The following NSD3 variants were observed in gnomAD, a reference collection of about 807,000 sequenced individuals.
NSD3 encodes histone-lysine N-methyltransferase NSD3.
In NSD3, 24 loss-of-function variants were observed where a neutral mutation model predicts 160.8. That is an observed-to-expected ratio of 0.15 (90% CI 0.11 to 0.21). The LOEUF is 0.21. Among genes scored for constraint, NSD3 ranks in the 10% least tolerant of loss-of-function variants. NSD3 has a pLI of 1.00. For synonymous variants in NSD3, 520 were observed against 600.0 expected (o/e 0.87, Z 1.95); for missense variants, 1,157 against 1,735.9 (o/e 0.67, Z 5.93).
chr8:38,358,088 T>C (rs1158986672), intron 1 of NSD3, among the ~76,000 whole-genome samples: 1 of 152,110 alleles, frequency 6.6e-6, no homozygotes, highest in Admixed American at 6.6e-5. Flanking sequence ...CATATGTATA[T>C]ATATATTTAA....
chr8:38,319,162 CATGCT>C lies in NSD3; in HGVS notation c.1810-227_1810-223del. 1 of 498,588 alleles carries C rather than the reference CATGCT, an allele frequency of 2.0e-6. No homozygotes were observed. Among genetic ancestry groups the C allele is most frequent in the Non-Finnish European group, 3.6e-6 (1 of 280,042 alleles). 30.9% of individuals were successfully genotyped at this position (498,588 alleles called of 1,614,324 possible). A position where few individuals can be genotyped will look rare whatever the true frequency, so the allele number is the denominator to read the frequency against. ...AATATCAAGTGACAACACACAGCCA[CATGCT>C]CTCTAGCAAAGACTTTTCCCACCAT... On this transcript the variant is annotated intron_variant, in intron 8 of 23. Transcript: ENST00000317025. The surrounding 1 kb of genome is among the most constrained non-coding windows in gnomAD (Gnocchi z 4.1).
At chr8:38,355,656 C>A (rs979706913) in intron 1 of NSD3, among the ~76,000 whole-genome samples, 2 of 152,192 alleles carry the variant, frequency 1.3e-5, no homozygotes, top group Non-Finnish European at 2.9e-5. Context: ...TCACACATTG[C>A]TTTTCAAATT....
intron 16 of NSD3, among the ~76,000 whole-genome samples, chr8:38,291,495 C>T (rs1025722828): frequency 6.6e-6 from 1 of 152,118 alleles, no homozygotes; most frequent in Non-Finnish European, 1.5e-5. Flanking sequence ...TAACACATAA[C>T]TGTATTATTG....
intron 1 of NSD3, among the ~76,000 whole-genome samples, chr8:38,381,420 C>T (rs1375456365): frequency 6.6e-6 from 1 of 151,934 alleles, no homozygotes. Context: ...TCAGTCCACC[C>T]AGGTCTGTAA....
intron 4 of NSD3, among the ~76,000 whole-genome samples, chr8:38,332,544 A>G (rs1053979517): frequency 1.1e-4 from 16 of 152,216 alleles, no homozygotes; most frequent in African/African-American, 3.9e-4. Flanking sequence ...GGACCACAAC[A>G]TCTGAGAACT....
At position 38,314,637 on chromosome 8, in the gene NSD3, G is replaced by A; in HGVS notation, c.2242+10C>T. The A allele has an allele frequency of 1.2e-6, 2 of 1,614,054 alleles. No individual in the cohort carries two copies. Among genetic ancestry groups the A allele is most frequent in the Admixed American group, 1.7e-5 (1 of 60,020 alleles). The stretch of plus-strand genomic sequence containing the variant: ...CATCTTTTCATGACTATCGAAATAA[G>A]TCATCTTACCAGTTTTACATTCCAT... On this transcript the variant is annotated intron_variant, in intron 12 of 23. Transcript: ENST00000317025.
Position 38,275,529 on chromosome 8 carries a change from A to T in NSD3, c.*112T>A. 2.8e-6 allele frequency: 3 copies of T among 1,086,158 alleles called. No individual in the cohort carries two copies. Among genetic ancestry groups the T allele is most frequent in the Admixed American group, 2.9e-5 (1 of 35,010 alleles). 67.3% of individuals were successfully genotyped at this position (1,086,158 alleles called of 1,614,324 possible). ...TGAACTGGTTTCCCATTTTTGCTTT[A>T]ATAAGGCAGTTCCGATGGCAAAGGC... is the stretch of plus-strand genomic sequence containing the variant. On this transcript the variant is annotated 3_prime_UTR_variant, in exon 24 of 24. Coordinates refer to ENST00000317025, the MANE Select transcript of NSD3 (RefSeq NM_023034.2).
chr8:38,377,723 G>A (rs767069401), intron 1 of NSD3, among the ~76,000 whole-genome samples: 1 of 151,982 alleles, frequency 6.6e-6, no homozygotes, highest in Non-Finnish European at 1.5e-5. Context: ...GGCCAGGTGC[G>A]GTGGCTCACG....
chr8:38,287,881 T>C (rs771312150), intron 19 of NSD3, among the ~76,000 whole-genome samples: 9 of 152,202 alleles, frequency 5.9e-5, no homozygotes, highest in Non-Finnish European at 1.3e-4. Flanking sequence ...CTCAATCTCC[T>C]GACCTCGGCT....
intron 6 of NSD3, among the ~76,000 whole-genome samples, chr8:38,327,324 G>A (rs550706995): frequency 3.6e-4 from 54 of 151,944 alleles, no homozygotes; most frequent in African/African-American, 1.3e-3. Flanking sequence ...CCAAAGTGCT[G>A]GGATTACAGG....
intron 20 of NSD3, 114 bp from the exon 21 acceptor site, chr8:38,279,795 C>G: frequency 8.4e-7 from 1 of 1,184,310 alleles, no homozygotes; most frequent in Middle Eastern, 2.8e-4. Flanking sequence ...TGTTTGACAA[C>G]TGACAGATCA....
Position 38,278,354 on chromosome 8 carries a change from G to A in NSD3, c.3819C>T (p.Cys1273=), listed in dbSNP as rs1263738191. The change falls in exon 22 of 24, where the codon TGC becomes TGT. Residue 1273 remains cysteine (C), a synonymous_variant. Coordinates refer to ENST00000317025, the MANE Select transcript of NSD3 (RefSeq NM_023034.2). ...CACTGCAGTTATCTGCTCCACAGTG[G>A]CACTCCGTTCTGCCGTTGCCCAGAC... The part of the protein sequence containing the change: ...LDCLGNGRTE[C]HCGADNCSGF... 2 of 1,614,000 alleles carry A rather than the reference G, an allele frequency of 1.2e-6. No individual in the cohort carries two copies. The highest frequency in any genetic ancestry group is 2.2e-5 in the South Asian group (2 of 91,048).
At chr8:38,366,357 A>G (rs889500576) in intron 1 of NSD3, among the ~76,000 whole-genome samples, 2 of 152,096 alleles carry the variant, frequency 1.3e-5, no homozygotes, top group Non-Finnish European at 2.9e-5. Context: ...GCCCACAAAA[A>G]CACACAAATA....
rs1477546499 is a variant in NSD3, at chr8:38,382,223, T to G, written c.-469A>C. 5.9e-6 allele frequency: 1 copy of G among 169,698 alleles called. No individual in the cohort carries two copies. Among genetic ancestry groups the G allele is most frequent in the Non-Finnish European group, 1.2e-5 (1 of 82,418 alleles). The allele number at this position is 169,698 out of a possible 1,614,324, so 10.5% of individuals were successfully genotyped here. ...ACAGCCCCCTCGGCCTCCGCCTCCG[T>G]GCTGGCCGCCGCCGCCGCCTCTCCC... On this transcript the variant is annotated 5_prime_UTR_variant, in exon 1 of 24. Transcript: ENST00000317025. The surrounding 1 kb of genome is among the most constrained non-coding windows in gnomAD (Gnocchi z 4.2).
Position 38,270,812 on chromosome 8 carries a change from T to G in NSD3, c.*4829A>C, listed in dbSNP as rs2130970363. The stretch of plus-strand genomic sequence containing the variant: ...CCCTTTTTACTTACATGTAAATTAC[T>G]TTTACAGCCTACTGAAGGACAGGCA... On this transcript the variant is annotated 3_prime_UTR_variant, in exon 24 of 24. Transcript: ENST00000317025. 1 of 152,368 alleles carries G rather than the reference T, an allele frequency of 6.6e-6. No individual in the cohort carries two copies. Among genetic ancestry groups the G allele is most frequent in the East Asian group, 1.9e-4 (1 of 5,182 alleles). The allele number at this position is 152,368 out of a possible 1,614,324, so 9.4% of individuals were successfully genotyped here.
chr8:38,278,262 T>C (rs573137191), intron 22 of NSD3, 44 bp downstream of exon 22: 5 of 1,573,332 alleles, frequency 3.2e-6, no homozygotes, highest in African/African-American at 1.4e-5. Context: ...ACAGCCCTAC[T>C]CCTTATCGCC....
chr8:38,299,586 C>T lies in NSD3; in HGVS notation c.2616G>A (p.Leu872=), dbSNP rs768165372. The change falls in exon 15 of 24, where the codon CTG becomes CTA. Residue 872 remains leucine, a synonymous_variant. Coordinates refer to ENST00000317025, the MANE Select transcript of NSD3 (RefSeq NM_023034.2). ...VGFCFVCARG[L]IVQDHSDPMF... Reference sequence around the variant, plus strand: ...TGGGGTCTGAATGGTCCTGAACTATCAGCCCTATACGAAACAAACAGAAAG... The same window carrying T: ...TGGGGTCTGAATGGTCCTGAACTATTAGCCCTATACGAAACAAACAGAAAG... 1 of 1,548,904 alleles carries T rather than the reference C, an allele frequency of 6.5e-7. No individual in the cohort carries two copies. The highest frequency in any genetic ancestry group is 8.7e-7 in the Non-Finnish European group (1 of 1,151,960).
intron 4 of NSD3, among the ~76,000 whole-genome samples, chr8:38,336,427 A>G (rs944016069): frequency 9.9e-5 from 15 of 152,214 alleles, no homozygotes; most frequent in African/African-American, 3.6e-4. Context: ...GTAGGATTCT[A>G]TATTATATAG....
Position 38,316,074 on chromosome 8 carries a change from A to G in NSD3, c.1856-32T>C. The G allele has an allele frequency of 6.2e-7, 1 of 1,608,100 alleles. No individual in the cohort carries two copies. The highest frequency in any genetic ancestry group is 8.5e-7 in the Non-Finnish European group (1 of 1,178,340). On this transcript the variant is annotated intron_variant, in intron 9 of 23. Coordinates refer to ENST00000317025, the MANE Select transcript of NSD3 (RefSeq NM_023034.2). This position sits in a 1 kb window ranked among gnomAD's most constrained non-coding sequence, Gnocchi z 4.5. ...ACAACACACTGAAATTAATCCTAAA[A>G]TAGTACTTAAGGTTTGTTTTAATTT...
Sources: gnomAD v4.1 joint callset for allele counts (sites outside exome capture counted in the v4.1 genomes callset) on GRCh38, gnomAD v4.1.1 for gene constraint, Gnocchi (gnomAD v3.1) non-coding constraint, MANE v1.5 for transcripts, NCBI Gene and HGNC (gene_info 2026-07-23, HGNC 2026-07-21) for gene names.